KLB: variants seen among roughly 807,000 people sequenced by gnomAD.
KLB encodes beta-klotho.
A neutral mutation model predicts 88.4 loss-of-function variants in KLB; 44 were observed. That is an observed-to-expected ratio of 0.50 (90% CI 0.39 to 0.64). The LOEUF is 0.64. Among genes scored for constraint, KLB ranks in the 30% least tolerant of loss-of-function variants. KLB has a pLI of 0.00. For synonymous variants in KLB, 548 were observed against 513.4 expected (o/e 1.07, Z -0.91); for missense variants, 1,137 against 1,304.8 (o/e 0.87, Z 1.98).
intron 1 of KLB, among the ~76,000 whole-genome samples, chr4:39,432,155 T>C (rs954791942): frequency 6.6e-6 from 1 of 152,080 alleles, no homozygotes; most frequent in Non-Finnish European, 1.5e-5. Flanking sequence ...GGCATGGTGG[T>C]GCTCACCTGT....
intron 1 of KLB, among the ~76,000 whole-genome samples, chr4:39,432,620 G>A (rs147743058): frequency 4.7e-4 from 72 of 152,210 alleles, no homozygotes; most frequent in African/African-American, 1.5e-3. Flanking sequence ...CTGAGGGTAA[G>A]TTCCTGTGCC....
At chr4:39,444,186 C>T (rs1743684021) in intron 3 of KLB, among the ~76,000 whole-genome samples, 1 of 152,072 alleles carries the variant, frequency 6.6e-6, no homozygotes, top group African/African-American at 2.4e-5. Context: ...ACAAACAAAA[C>T]ATTCTTTCAT....
rs1033649387 is a variant in KLB, at chr4:39,451,240, T to A, written c.*2554T>A. ...ATTTAATCTGGCTCATGCTCTATCATACTAAATATTCAGGTTTATCATAAA... is the reference window on the plus strand; with the variant it reads ...ATTTAATCTGGCTCATGCTCTATCAAACTAAATATTCAGGTTTATCATAAA... On this transcript the variant is annotated 3_prime_UTR_variant, in exon 5 of 5. Coordinates refer to ENST00000257408, the MANE Select transcript of KLB (RefSeq NM_175737.4). 3.9e-5 allele frequency: 6 copies of A among 152,244 alleles called. No individual in the cohort carries two copies. The highest frequency in any genetic ancestry group is 7.3e-5 in the Non-Finnish European group (5 of 68,046). 9.4% of individuals were successfully genotyped at this position (152,244 alleles called of 1,614,324 possible).
chr4:39,437,990 C>G lies in KLB; in HGVS notation c.1600C>G (p.Leu534Val). Reference sequence around the variant, plus strand: ...CTCCTGGGGTGTCACTGAATCTGTTCTTAAGGTAAGTGGTTACTTCCAAAT... The same window carrying G: ...CTCCTGGGGTGTCACTGAATCTGTTGTTAAGGTAAGTGGTTACTTCCAAAT... ...DFSWGVTESV[L>V]KPESVASSPQ... The change falls in exon 3 of 5, where the codon CTT becomes GTT. Residue 534 changes from leucine (L) to valine (V), a missense_variant. Leu to Val is a conservative substitution (Grantham distance 32, BLOSUM62 1). This residue lies in a region of KLB where 597 missense variants were observed against 765.2 expected (regional missense o/e 0.78). Coordinates refer to ENST00000257408, the MANE Select transcript of KLB (RefSeq NM_175737.4). The G allele has an allele frequency of 6.2e-7, 1 of 1,611,824 alleles. No individual in the cohort carries two copies. Among genetic ancestry groups the G allele is most frequent in the Non-Finnish European group, 8.5e-7 (1 of 1,178,754 alleles).
At chr4:39,424,290 C>G (rs187242504) in intron 1 of KLB, among the ~76,000 whole-genome samples, 3 of 151,778 alleles carry the variant, frequency 2.0e-5, no homozygotes, top group Non-Finnish European at 4.4e-5. Context: ...AGGCCGGTCT[C>G]GAACTCCTGG....
chr4:39,430,421 A>AAAAAAAAG (rs1578208334), intron 1 of KLB, among the ~76,000 whole-genome samples: 1 of 150,362 alleles, frequency 6.7e-6, no homozygotes, highest in Non-Finnish European at 1.5e-5. Context: ...AAAAAAAAAA[A>AAAAAAAAG]GCGGTTCTCA....
rs144494424 is a variant in KLB at position 39,434,314 on chromosome 4, G to A, written c.930G>A (p.Ser310=). ...LGSHWIEPNR[S]ENTMDIFKCQ... ...CTCATTGGATCGAGCCAAACCGGTC[G>A]GAAAACACGATGGATATATTCAAAT... The change falls in exon 2 of 5, where the codon TCG becomes TCA. Residue 310 remains serine (S), a synonymous_variant. Coordinates refer to ENST00000257408, the MANE Select transcript of KLB (RefSeq NM_175737.4). 1.8e-3 allele frequency: 2,937 copies of A among 1,614,106 alleles called. 4 individuals are homozygous for A. The highest frequency in any genetic ancestry group is 2.1e-3 in the Non-Finnish European group (2,517 of 1,180,022).
In KLB at chr4:39,448,856, G is replaced by C. The variant is rs1233055185; in HGVS notation, c.*170G>C. 4.8e-6 allele frequency: 3 copies of C among 627,024 alleles called. No individual in the cohort carries two copies. Among genetic ancestry groups the C allele is most frequent in the Admixed American group, 3.0e-5 (1 of 33,006 alleles). 38.8% of individuals were successfully genotyped at this position (627,024 alleles called of 1,614,324 possible). A position where few individuals can be genotyped will look rare whatever the true frequency, so the allele number is the denominator to read the frequency against. ...TTCAAAGAACATTCCCTTAGGTGTT[G>C]ACATCAGTGAACTCAGTTCTTGGAT... On this transcript the variant is annotated 3_prime_UTR_variant, in exon 5 of 5. Coordinates refer to ENST00000257408, the MANE Select transcript of KLB (RefSeq NM_175737.4).
chr4:39,417,102 G>T (rs201144328), intron 1 of KLB, among the ~76,000 whole-genome samples: 2 of 11,538 alleles, frequency 1.7e-4, no homozygotes, highest in African/African-American at 1.9e-4. Flanking sequence ...TTGAAAAAAA[G>T]GATTTTTTTA....
rs201593870 is a variant in KLB at position 39,407,092 on chromosome 4, G to A, written c.143G>A (p.Arg48Gln). 6.8e-5 allele frequency: 110 copies of A among 1,613,976 alleles called. 1 individual carries two copies. Among genetic ancestry groups the A allele is most frequent in the Non-Finnish European group, 8.9e-5 (105 of 1,180,002 alleles). Residue 48 changes from arginine (R) to glutamine (Q), a missense_variant, in exon 1 of 5, where the codon CGA (arginine) becomes CAA (glutamine). Arg to Gln is a conservative substitution (Grantham distance 43). This residue lies in a region of KLB where 111 missense variants were observed against 118.3 expected (regional missense o/e 0.94). Transcript: ENST00000257408. ...ATCCTGTCAGCACTTATTCTGCTAC[G>A]AGCTGTTACTGGATTCTCTGGAGAT... ...SVILSALILL[R>Q]AVTGFSGDGR...
At chr4:39,443,592 CAAAAAA>C (rs770812561) in intron 3 of KLB, among the ~76,000 whole-genome samples, 1 of 65,860 alleles carries the variant, frequency 1.5e-5, no homozygotes, top group African/African-American at 5.7e-5. Flanking sequence ...CCTGTCTCTA[CAAAAAA>C]AAAAAAAAAA....
At chr4:39,426,413 TAA>T (rs869183002) in intron 1 of KLB, among the ~76,000 whole-genome samples, 374 of 65,428 alleles carry the variant, frequency 5.7e-3, no homozygotes, top group African/African-American at 0.023. Flanking sequence ...GACTCCTATC[TAA>T]AAAAAAAAAA....
Position 39,451,437 on chromosome 4 carries a change from T to C in KLB, c.*2751T>C, listed in dbSNP as rs1237890926. The C allele has an allele frequency of 1.3e-5, 2 of 152,238 alleles. No homozygotes were observed. Among genetic ancestry groups the C allele is most frequent in the Non-Finnish European group, 2.9e-5 (2 of 68,036 alleles). The allele number at this position is 152,238 out of a possible 1,614,324, so 9.4% of individuals were successfully genotyped here. On this transcript the variant is annotated 3_prime_UTR_variant, in exon 5 of 5. Transcript: ENST00000257408. Reference sequence around the variant, plus strand: ...ATCACAACTATATTTAAAGAGCCTCTGGAAAATGAGGCCAGTACAGTGTGA... The same window carrying C: ...ATCACAACTATATTTAAAGAGCCTCCGGAAAATGAGGCCAGTACAGTGTGA...
intron 1 of KLB, among the ~76,000 whole-genome samples, chr4:39,432,412 G>T (rs999855219): frequency 1.1e-4 from 17 of 152,206 alleles, no homozygotes; most frequent in African/African-American, 4.1e-4. Flanking sequence ...CAATTCCACA[G>T]CTAACTGGGA....
intron 1 of KLB, among the ~76,000 whole-genome samples, chr4:39,422,169 G>A (rs4975013): frequency 0.32 from 49,084 of 152,004 alleles, 9,795 homozygotes; most frequent in South Asian, 0.57. Context: ...GTGTAAAAGT[G>A]TATTTCAAAG....
At chr4:39,444,126 C>T (rs140117947) in intron 3 of KLB, among the ~76,000 whole-genome samples, 1,985 of 152,306 alleles carry the variant, frequency 0.013, 45 homozygotes, top group African/African-American at 0.046. Flanking sequence ...CATTGCACTC[C>T]AGCCTGGGCG....
intron 1 of KLB, among the ~76,000 whole-genome samples, chr4:39,430,900 G>C (rs1420922730): frequency 7.0e-6 from 1 of 142,540 alleles, no homozygotes; most frequent in Non-Finnish European, 1.5e-5. Context: ...ATGAGCCACT[G>C]CTCCCGGTTG....
rs1251462865 is a variant in KLB at position 39,428,252 on chromosome 4, C to A, written c.826-5958C>A. On this transcript the variant is annotated intron_variant, in intron 1 of 4. Coordinates refer to ENST00000257408, the MANE Select transcript of KLB (RefSeq NM_175737.4). ...GACCAGCTTGGCCAACATGGTGAAA[C>A]CCCGTCTCTACTAAAAATACAAAAA... Among the ~76,000 whole-genome samples, 5 of 152,012 alleles carry A rather than the reference C, an allele frequency of 3.3e-5. No individual in the cohort carries two copies. In the South Asian group the frequency reaches 1.0e-3, roughly 31 times the overall value.
intron 2 of KLB, among the ~76,000 whole-genome samples, chr4:39,435,109 G>A (rs1429530777): frequency 6.8e-6 from 1 of 146,632 alleles, no homozygotes; most frequent in Non-Finnish European, 1.5e-5. Context: ...GCCCGGCCTG[G>A]CCTTTTGTAT....
Sources: allele counts gnomAD v4.1 joint callset (sites outside exome capture counted in the v4.1 genomes callset), GRCh38; gene constraint gnomAD v4.1.1; regional missense constraint gnomAD v4.1.1; transcripts MANE v1.5; gene names NCBI Gene and HGNC (gene_info 2026-07-23, HGNC 2026-07-21).